The following RAB40B variants were observed in gnomAD, a reference collection of about 807,000 sequenced individuals.
The protein encoded by RAB40B is RAB40B, member RAS oncogene family, also known as ras-related protein Rab-40B.
In RAB40B, 21 loss-of-function variants were observed where a neutral mutation model predicts 24.0. That is an observed-to-expected ratio of 0.88 (90% CI 0.62 to 1.26). The LOEUF (loss-of-function observed/expected upper bound fraction) is 1.26, where lower values mean the gene tolerates loss of function less well. RAB40B is among the 50% of genes most tolerant of loss of function. The pLI is 0.00. For missense variants in RAB40B, 348 were observed against 390.5 expected, an observed-to-expected ratio of 0.89 and a Z score of 0.92; for synonymous variants, 167 against 169.8, an observed-to-expected ratio of 0.98 and a Z score of 0.13.
intron 3 of RAB40B, 56 bp downstream of exon 3, chr17:82,660,931 T>C: frequency 6.4e-7 from 1 of 1,568,032 alleles, no homozygotes; most frequent in South Asian, 1.1e-5. Flanking sequence ...TTAAGCATTG[T>C]AAATGTTATT....
Position 82,698,565 on chromosome 17 carries a change from T to C in RAB40B, c.32A>G (p.Tyr11Cys). The C allele has an allele frequency of 6.6e-7, 1 of 1,512,218 alleles. No individual in the cohort carries two copies. The highest frequency in any genetic ancestry group is 8.9e-7 in the Non-Finnish European group (1 of 1,123,404). The allele number at this position is 1,512,218 out of a possible 1,614,324, so 93.7% of individuals were successfully genotyped here. Residue 11 changes from tyrosine (Y) to cysteine (C), a missense_variant, in exon 1 of 6, where the codon TAC becomes TGC. Transcript: ENST00000571995. The stretch of plus-strand genomic sequence containing the variant: ...CAGCAGGAACTTGAGCAGAAAGTCG[T>C]AGGCCCGGACCGGGCTGCCCAGGGC... MSALGSPVRA[Y>C]DFLLKFLLVG...
rs748833734 is a variant in RAB40B at position 82,657,825 on chromosome 17, C to T, written c.*38G>A. On this transcript the variant is annotated 3_prime_UTR_variant, in exon 6 of 6. Coordinates refer to ENST00000571995, the MANE Select transcript of RAB40B (RefSeq NM_006822.3). ...CTGCCGGGGGTAACGCCGAGCTTCT[C>T]CTGGAGAGATTCCGCCGTGTTTCTT... is the stretch of plus-strand genomic sequence containing the variant. 5 of 1,610,982 alleles carry T rather than the reference C, an allele frequency of 3.1e-6. No individual in the cohort carries two copies. The African/African-American group carries it at 4.0e-5, about 13-fold the overall frequency.
chr17:82,698,386 C>G (rs2046634802), intron 1 of RAB40B, 69 bp downstream of exon 1: 1 of 327,100 alleles, frequency 3.1e-6, no homozygotes, highest in Non-Finnish European at 4.8e-6. Flanking sequence ...CACCCGCACC[C>G]CCTCCCCAGC....
rs1362714196 is a variant in RAB40B, at chr17:82,698,653, G to A, written c.-57C>T. The A allele has an allele frequency of 8.3e-7, 1 of 1,204,204 alleles. No homozygotes were observed. The highest frequency in any genetic ancestry group is 1.0e-6 in the Non-Finnish European group (1 of 961,292). The allele number at this position is 1,204,204 out of a possible 1,614,324, so 74.6% of individuals were successfully genotyped here. ...GCCTGCGGGGCTGAGCGCAGAGGCG[G>A]CGGCCCGGCCCCGAGAGGCGCCGCG... On this transcript the variant is annotated 5_prime_UTR_variant, in exon 1 of 6. Coordinates refer to ENST00000571995, the MANE Select transcript of RAB40B (RefSeq NM_006822.3).
chr17:82,657,292 A>G lies in RAB40B; in HGVS notation c.*571T>C, dbSNP rs2046094125. On this transcript the variant is annotated 3_prime_UTR_variant, in exon 6 of 6. Transcript: ENST00000571995. Reference sequence around the variant, plus strand: ...GATTTACAGAAAAATATGCATATAAATCACTTATTAATCCCAAAATGTAGT... The same window carrying G: ...GATTTACAGAAAAATATGCATATAAGTCACTTATTAATCCCAAAATGTAGT... The G allele has an allele frequency of 5.4e-6, 1 of 183,702 alleles. No individual in the cohort carries two copies. The highest frequency in any genetic ancestry group is 1.2e-5 in the Non-Finnish European group (1 of 85,292). The allele number at this position is 183,702 out of a possible 1,614,324, so 11.4% of individuals were successfully genotyped here. A position where few individuals can be genotyped will look rare whatever the true frequency, so the allele number is the denominator to read the frequency against.
At chr17:82,669,519 G>A (rs759875355) in intron 1 of RAB40B, among the ~76,000 whole-genome samples, 6 of 152,002 alleles carry the variant, frequency 3.9e-5, no homozygotes, top group African/African-American at 1.4e-4. Flanking sequence ...CAATCATGGT[G>A]GTGCACACCT....
intron 1 of RAB40B, among the ~76,000 whole-genome samples, chr17:82,671,566 C>T (rs1423450895): frequency 6.7e-6 from 1 of 150,130 alleles, no homozygotes; most frequent in African/African-American, 2.5e-5. Context: ...CACTGACACA[C>T]CCCACCCCTG....
At chr17:82,664,192 G>T (rs1331569571) in intron 2 of RAB40B, among the ~76,000 whole-genome samples, 7 of 140,236 alleles carry the variant, frequency 5.0e-5, no homozygotes, top group South Asian at 2.2e-4. Flanking sequence ...ACGGTGGTGG[G>T]GGAAGGGTGC....
chr17:82,693,484 T>C (rs889111388), intron 1 of RAB40B, among the ~76,000 whole-genome samples: 1 of 152,080 alleles, frequency 6.6e-6, no homozygotes, highest in Non-Finnish European at 1.5e-5. Flanking sequence ...AAGTGAAAAA[T>C]GCTTTGCGAG....
At position 82,667,092 on chromosome 17, in the gene RAB40B, A is replaced by G. The variant is rs1171030201; in HGVS notation, c.143-2536T>C. Among the ~76,000 whole-genome samples, 1 of 152,218 alleles carries G rather than the reference A, an allele frequency of 6.6e-6. No individual in the cohort carries two copies. Among genetic ancestry groups the G allele is most frequent in the Non-Finnish European group, 1.5e-5 (1 of 68,040 alleles). On this transcript the variant is annotated intron_variant, in intron 1 of 5. Transcript: ENST00000571995. This position sits in a 1 kb window ranked among gnomAD's most constrained non-coding sequence, Gnocchi z 4.3. The stretch of plus-strand genomic sequence containing the variant: ...AGCTCTCCTTCCAGAGAAGCCCACG[A>G]TGTAGCCAGTGAGTGCCCAGAAACA...
At chr17:82,679,747 G>A (rs941197159) in intron 1 of RAB40B, among the ~76,000 whole-genome samples, 4 of 152,256 alleles carry the variant, frequency 2.6e-5, no homozygotes, top group African/African-American at 9.6e-5. Context: ...CCGAGCACAG[G>A]GCAGGGGGCA....
At chr17:82,673,135 C>T (rs559607775) in intron 1 of RAB40B, among the ~76,000 whole-genome samples, 15 of 152,118 alleles carry the variant, frequency 9.9e-5, no homozygotes, top group African/African-American at 2.7e-4. Flanking sequence ...ACCCGGCAGG[C>T]GGAGGTTGCA....
intron 1 of RAB40B, among the ~76,000 whole-genome samples, chr17:82,668,676 G>A (rs533996934): frequency 8.0e-4 from 122 of 152,370 alleles, no homozygotes; most frequent in African/African-American, 2.9e-3. Context: ...GGGGAGTGAG[G>A]AGAGGCCAGG....
chr17:82,659,557 G>A, intron 4 of RAB40B, 23 bp downstream of exon 4: 15 of 1,611,362 alleles, frequency 9.3e-6, no homozygotes, highest in Non-Finnish European at 1.3e-5. Context: ...GGGATCTTGG[G>A]CAGTGGCATT....
rs2143558672 is a variant in RAB40B, at chr17:82,692,932, AT to A, written c.142+5522del. Among the ~76,000 whole-genome samples, 1 of 152,336 alleles carries A rather than the reference AT, an allele frequency of 6.6e-6. No individual in the cohort carries two copies. The highest frequency in any genetic ancestry group is 2.4e-5 in the African/African-American group (1 of 41,582). The stretch of plus-strand genomic sequence containing the variant: ...TATATTTTAAACACTCCTAGCAAGC[AT>A]TGAAAGAAATTCAACCTAAATGAAA... On this transcript the variant is annotated intron_variant, in intron 1 of 5. Transcript: ENST00000571995. The surrounding 1 kb of genome is among the most constrained non-coding windows in gnomAD (Gnocchi z 4.0).
intron 2 of RAB40B, chr17:82,661,853 C>T (rs1250409849): frequency 1.1e-6 from 1 of 936,076 alleles, no homozygotes; most frequent in Non-Finnish European, 1.3e-6. Flanking sequence ...TGCCACTGCA[C>T]TCCAGCCTGG....
At chr17:82,694,991 A>T (rs1182293407) in intron 1 of RAB40B, among the ~76,000 whole-genome samples, 1 of 151,786 alleles carries the variant, frequency 6.6e-6, no homozygotes, top group Non-Finnish European at 1.5e-5. Context: ...TAAATGGTAA[A>T]AGGACTTTGG....
At chr17:82,665,756 A>G (rs374437976) in intron 1 of RAB40B, among the ~76,000 whole-genome samples, 1 of 151,946 alleles carries the variant, frequency 6.6e-6, no homozygotes, top group African/African-American at 2.4e-5. Context: ...AATCCTAGCT[A>G]GTAGGGAGGC....
intron 1 of RAB40B, among the ~76,000 whole-genome samples, chr17:82,686,798 A>C (rs1304828580): frequency 6.6e-6 from 1 of 152,098 alleles, no homozygotes; most frequent in Non-Finnish European, 1.5e-5. Flanking sequence ...GCCCATCCAA[A>C]AGCCACTTCA....
Sources: allele counts gnomAD v4.1 joint callset (sites outside exome capture counted in the v4.1 genomes callset), GRCh38; gene constraint gnomAD v4.1.1; non-coding constraint Gnocchi (gnomAD v3.1); transcripts MANE v1.5; gene names NCBI Gene and HGNC (gene_info 2026-07-23, HGNC 2026-07-21).